Variants in KCNC2 observed in about 807,000 individuals in gnomAD.
KCNC2 encodes the protein voltage-gated potassium channel KCNC2.
Under a neutral mutation model 44.5 loss-of-function variants are expected in KCNC2, and 21 were observed. The observed-to-expected ratio is 0.47, with a 90% CI of 0.33 to 0.68. The LOEUF is 0.68. KCNC2 is among the 30% of genes least tolerant of loss of function. The pLI, the probability that KCNC2 is intolerant of heterozygous loss-of-function variation, is 0.01. For synonymous variants in KCNC2, 391 were observed against 339.1 expected, an observed-to-expected ratio of 1.15 and a Z score of -1.68; for missense variants, 589 against 826.2, an observed-to-expected ratio of 0.71 and a Z score of 3.52.
intron 2 of KCNC2, among the ~76,000 whole-genome samples, chr12:75,088,745 G>A (rs1885232180): frequency 6.6e-6 from 1 of 151,808 alleles, no homozygotes; most frequent in Non-Finnish European, 1.5e-5. Flanking sequence ...TGGTGTTTTT[G>A]CAAGTTTTAG....
At chr12:75,129,236 T>C (rs1466378869) in intron 2 of KCNC2, among the ~76,000 whole-genome samples, 1 of 152,142 alleles carries the variant, frequency 6.6e-6, no homozygotes, top group Admixed American at 6.6e-5. Flanking sequence ...CTCAAGTACA[T>C]TGCACAGCCA....
chr12:75,167,233 T>C (rs1364820013), intron 2 of KCNC2, among the ~76,000 whole-genome samples: 2 of 151,368 alleles, frequency 1.3e-5, no homozygotes, highest in African/African-American at 4.8e-5. Flanking sequence ...ATGGATGACC[T>C]TTTACTTTCT....
intron 2 of KCNC2, among the ~76,000 whole-genome samples, chr12:75,180,776 G>C (rs1265503082): frequency 2.6e-5 from 4 of 151,906 alleles, no homozygotes; most frequent in Non-Finnish European, 5.9e-5. Context: ...TTTTCCTACA[G>C]TGTGAAATAA....
intron 2 of KCNC2, among the ~76,000 whole-genome samples, chr12:75,061,566 T>TACACACACACAC (rs59052402): frequency 7.0e-6 from 1 of 143,350 alleles, no homozygotes; most frequent in Non-Finnish European, 1.5e-5. Flanking sequence ...AAGTGACAAG[T>TACACACACACAC]ACACACACAC....
intron 2 of KCNC2, among the ~76,000 whole-genome samples, chr12:75,172,217 C>T (rs763232216): frequency 6.6e-5 from 10 of 151,816 alleles, no homozygotes; most frequent in Non-Finnish European, 4.4e-5. Flanking sequence ...AGCAAACCAA[C>T]GCAGGAACAG....
At chr12:75,109,488 G>A (rs10506674) in intron 2 of KCNC2, among the ~76,000 whole-genome samples, 5,054 of 152,250 alleles carry the variant, frequency 0.033, 274 homozygotes, top group African/African-American at 0.11. Flanking sequence ...GAACCTGTAG[G>A]AGAGCTGCAG....
chr12:75,112,752 T>A (rs998770927), intron 2 of KCNC2, among the ~76,000 whole-genome samples: 1 of 151,956 alleles, frequency 6.6e-6, no homozygotes. Context: ...ATCCATATAA[T>A]TGAGCTTAAA....
chr12:75,201,912 G>T (rs941419898), intron 2 of KCNC2, among the ~76,000 whole-genome samples: 1 of 151,718 alleles, frequency 6.6e-6, no homozygotes, highest in Non-Finnish European at 1.5e-5. Context: ...TATCTTTAAT[G>T]CCCTTTACTA....
intron 2 of KCNC2, among the ~76,000 whole-genome samples, chr12:75,124,382 T>C (rs923190638): frequency 2.0e-5 from 3 of 152,240 alleles, no homozygotes; most frequent in Non-Finnish European, 4.4e-5. Flanking sequence ...AGGGATTTAA[T>C]GATATAAAAA....
rs145644822 is a variant in KCNC2 at position 75,166,485 on chromosome 12, A to G, written c.687+40812T>C. The stretch of plus-strand genomic sequence containing the variant: ...TAGACCTAACAGATGTCTATAAAAC[A>G]TTCCACCAACATCAGCAGAATACAC... On this transcript the variant is annotated intron_variant, in intron 2 of 4. Coordinates refer to ENST00000549446, the MANE Select transcript of KCNC2 (RefSeq NM_139137.4). Among the ~76,000 whole-genome samples, 446 of 151,248 alleles carry G rather than the reference A, an allele frequency of 2.9e-3. 1 individual carries two copies. Among genetic ancestry groups the G allele is most frequent in the Non-Finnish European group, 3.1e-3 (210 of 67,360 alleles).
intron 2 of KCNC2, among the ~76,000 whole-genome samples, chr12:75,157,892 G>A (rs746083799): frequency 7.2e-5 from 11 of 151,836 alleles, no homozygotes; most frequent in Non-Finnish European, 1.5e-4. Context: ...TAAACCTTTA[G>A]TTCATCCATT....
intron 2 of KCNC2, among the ~76,000 whole-genome samples, chr12:75,164,111 T>A (rs1281546046): frequency 6.6e-6 from 1 of 151,680 alleles, no homozygotes; most frequent in East Asian, 1.9e-4. Flanking sequence ...CCATGACTAG[T>A]TTCAAGTTGG....
chr12:75,194,579 G>A (rs1466197367), intron 2 of KCNC2, among the ~76,000 whole-genome samples: 4 of 152,152 alleles, frequency 2.6e-5, no homozygotes, highest in African/African-American at 7.2e-5. Context: ...TTAGTTAAGT[G>A]CTATAATACA....
chr12:75,150,036 T>C lies in KCNC2; in HGVS notation c.687+57261A>G, dbSNP rs552836886. Among the ~76,000 whole-genome samples, 3 of 151,962 alleles carry C rather than the reference T, an allele frequency of 2.0e-5. No individual in the cohort carries two copies. In the South Asian group the frequency reaches 6.2e-4, roughly 32 times the overall value. ...TTTGCAGTAAGCCATCGCCTGTGACTCCTGAAGTCATTTGATTATACAACC... is the reference window on the plus strand; with the variant it reads ...TTTGCAGTAAGCCATCGCCTGTGACCCCTGAAGTCATTTGATTATACAACC... On this transcript the variant is annotated intron_variant, in intron 2 of 4. Transcript: ENST00000549446.
chr12:75,133,640 C>A (rs1025317631), intron 2 of KCNC2, among the ~76,000 whole-genome samples: 1 of 151,830 alleles, frequency 6.6e-6, no homozygotes, highest in African/African-American at 2.4e-5. Context: ...ATAAGAGTGG[C>A]CTTACATGAA....
At chr12:75,103,765 TG>T (rs1478668915) in intron 2 of KCNC2, among the ~76,000 whole-genome samples, 84 of 152,220 alleles carry the variant, frequency 5.5e-4, no homozygotes, top group Non-Finnish European at 1.3e-4. Context: ...TACACAACTA[TG>T]ATGAAGTTTA....
rs1282230303 is a variant in KCNC2, at chr12:75,040,774, C to T, written c.*2331G>A. ...AGAAATAAGGGAAATTAAGACAAAA[C>T]TATACTACATCAGTATCACTGCCTT... On this transcript the variant is annotated 3_prime_UTR_variant, in exon 5 of 5. Transcript: ENST00000549446. 4.5e-6 allele frequency: 1 copy of T among 222,308 alleles called. No homozygotes were observed. The highest frequency in any genetic ancestry group is 9.1e-5 in the East Asian group (1 of 11,036). The allele number at this position is 222,308 out of a possible 1,614,324, so 13.8% of individuals were successfully genotyped here. A position where few individuals can be genotyped will look rare whatever the true frequency, so the allele number is the denominator to read the frequency against.
intron 2 of KCNC2, among the ~76,000 whole-genome samples, chr12:75,193,262 T>C (rs886248400): frequency 1.3e-5 from 2 of 152,206 alleles, no homozygotes; most frequent in Non-Finnish European, 2.9e-5. Context: ...GAAAAGTTAT[T>C]ATTATTGGAC....
chr12:75,126,907 A>T (rs1049386792), intron 2 of KCNC2, among the ~76,000 whole-genome samples: 2 of 152,174 alleles, frequency 1.3e-5, no homozygotes, highest in African/African-American at 4.8e-5. Flanking sequence ...TTTTATCTGT[A>T]ATTTTCCAGG....
Sources: allele counts gnomAD v4.1 joint callset (sites outside exome capture counted in the v4.1 genomes callset), GRCh38; gene constraint gnomAD v4.1.1; transcripts MANE v1.5; gene names NCBI Gene and HGNC (gene_info 2026-07-23, HGNC 2026-07-21).